Variants in PTPRM observed in about 807,000 individuals in gnomAD.
The protein encoded by PTPRM is protein tyrosine phosphatase receptor type M.
Under a neutral mutation model 186.7 loss-of-function variants are expected in PTPRM, and 47 were observed. The ratio of observed to expected loss-of-function variants is 0.25; its 90% CI spans 0.20 to 0.32. The LOEUF is 0.32. PTPRM is among the 10% of genes least tolerant of loss of function. The pLI is 1.00. For missense variants in PTPRM, 1,494 were observed against 1,865.0 expected (o/e 0.80, Z 3.66); for synonymous variants, 668 against 674.9 (o/e 0.99, Z 0.16).
Position 7,759,964 on chromosome 18 carries a change from G to A in PTPRM, c.74-14185G>A, listed in dbSNP as rs572801692. On this transcript the variant is annotated intron_variant, in intron 1 of 32. Transcript: ENST00000580170. ...TGTCATTTTGGATTGACTGGGATAG[G>A]AACAGTCACCTAAAATGGGTCCCAG... is the stretch of plus-strand genomic sequence containing the variant. Among the ~76,000 whole-genome samples the A allele has an allele frequency of 5.3e-5, 8 of 152,196 alleles. No homozygotes were observed. In the East Asian group the frequency reaches 1.5e-3, roughly 29 times the overall value.
chr18:8,174,283 C>T (rs900877430), intron 14 of PTPRM, among the ~76,000 whole-genome samples: 2 of 152,098 alleles, frequency 1.3e-5, no homozygotes, highest in African/African-American at 4.8e-5. Context: ...ATCATTTAAA[C>T]TATAAAAGAA....
At chr18:7,809,148 T>C (rs1445935715) in intron 2 of PTPRM, among the ~76,000 whole-genome samples, 1 of 152,164 alleles carries the variant, frequency 6.6e-6, no homozygotes, top group African/African-American at 2.4e-5. Context: ...ATGAGGCTTC[T>C]AGCCTGGCTT....
intron 2 of PTPRM, among the ~76,000 whole-genome samples, chr18:7,858,809 G>A (rs1204100293): frequency 6.6e-6 from 1 of 152,144 alleles, no homozygotes; most frequent in Non-Finnish European, 1.5e-5. Flanking sequence ...TATTTACGGA[G>A]CACCTATTAA....
intron 1 of PTPRM, among the ~76,000 whole-genome samples, chr18:7,767,829 G>T (rs763155596): frequency 1.3e-5 from 2 of 152,126 alleles, no homozygotes; most frequent in Non-Finnish European, 2.9e-5. Flanking sequence ...GAACAAGTTC[G>T]TTGATTTTGT....
intron 7 of PTPRM, among the ~76,000 whole-genome samples, chr18:8,032,194 G>C (rs2086023154): frequency 6.6e-6 from 1 of 152,136 alleles, no homozygotes. Flanking sequence ...CACATTGCTT[G>C]GATTCTAATT....
intron 14 of PTPRM, among the ~76,000 whole-genome samples, chr18:8,219,458 G>A (rs1425700690): frequency 2.4e-5 from 3 of 123,816 alleles, no homozygotes; most frequent in Non-Finnish European, 5.2e-5. Context: ...CAGAGCAAGA[G>A]TCCATCTCAA....
intron 7 of PTPRM, among the ~76,000 whole-genome samples, chr18:8,012,475 G>C (rs1272790823): frequency 1.3e-5 from 2 of 152,120 alleles, no homozygotes; most frequent in Non-Finnish European, 2.9e-5. Context: ...GTGTTGCTAG[G>C]CGATTTCATC....
chr18:7,923,396 C>T (rs2050983197), intron 4 of PTPRM, among the ~76,000 whole-genome samples: 1 of 152,114 alleles, frequency 6.6e-6, no homozygotes, highest in Admixed American at 6.5e-5. Flanking sequence ...GGGGGTTGGT[C>T]AACATGTGGA....
chr18:8,071,191 G>A (rs575095515), intron 8 of PTPRM, among the ~76,000 whole-genome samples: 10 of 152,260 alleles, frequency 6.6e-5, no homozygotes, highest in African/African-American at 2.4e-4. Flanking sequence ...CTCTATTTCT[G>A]TTTCTTCCAA....
chr18:7,989,260 C>T (rs2083133806), intron 7 of PTPRM, among the ~76,000 whole-genome samples: 1 of 151,866 alleles, frequency 6.6e-6, no homozygotes, highest in Non-Finnish European at 1.5e-5. Flanking sequence ...CTTCTAGTAA[C>T]TGGCATTACT....
chr18:7,611,791 G>A (rs1772823284), intron 1 of PTPRM, among the ~76,000 whole-genome samples: 2 of 152,128 alleles, frequency 1.3e-5, no homozygotes, highest in African/African-American at 2.4e-5. Context: ...TGCCATCCAC[G>A]TAAGATGAGA....
chr18:8,304,379 C>G (rs1326654686), intron 20 of PTPRM, among the ~76,000 whole-genome samples: 2 of 152,144 alleles, frequency 1.3e-5, no homozygotes, highest in Admixed American at 1.3e-4. Flanking sequence ...GGGGGAAAAC[C>G]TCAGCGGATT....
At chr18:7,641,281 G>A (rs1028969335) in intron 1 of PTPRM, among the ~76,000 whole-genome samples, 22 of 152,090 alleles carry the variant, frequency 1.4e-4, no homozygotes, top group Non-Finnish European at 2.9e-4. Context: ...GTGTATGTAC[G>A]TGTGTCTGTT....
intron 1 of PTPRM, among the ~76,000 whole-genome samples, chr18:7,585,481 T>A (rs1380789469): frequency 6.6e-6 from 1 of 152,162 alleles, no homozygotes; most frequent in African/African-American, 2.4e-5. Context: ...GTGCTGTATT[T>A]AAGGGATGGA....
chr18:8,118,254 A>G (rs1257882547), intron 13 of PTPRM, among the ~76,000 whole-genome samples: 1 of 152,230 alleles, frequency 6.6e-6, no homozygotes, highest in South Asian at 2.1e-4. Flanking sequence ...CCTTGGCAGT[A>G]TAGCCATTTG....
intron 9 of PTPRM, among the ~76,000 whole-genome samples, chr18:8,077,479 A>G (rs2089887997): frequency 6.6e-6 from 1 of 152,154 alleles, no homozygotes; most frequent in African/African-American, 2.4e-5. Flanking sequence ...ATTCAAAGCT[A>G]AGCGAAGAAA....
intron 2 of PTPRM, among the ~76,000 whole-genome samples, chr18:7,836,620 C>T (rs2046064155): frequency 1.3e-5 from 2 of 152,164 alleles, no homozygotes; most frequent in Admixed American, 1.3e-4. Flanking sequence ...TGCTCATTAA[C>T]ATCCTTTTCT....
intron 2 of PTPRM, among the ~76,000 whole-genome samples, chr18:7,809,003 AAGTC>A (rs1178391475): frequency 1.3e-5 from 2 of 152,204 alleles, no homozygotes; most frequent in Non-Finnish European, 2.9e-5. Flanking sequence ...TACCTGCTCT[AAGTC>A]AGACGCCCTG....
intron 5 of PTPRM, among the ~76,000 whole-genome samples, chr18:7,928,553 C>G (rs531456783): frequency 1.1e-4 from 17 of 152,248 alleles, no homozygotes; most frequent in Non-Finnish European, 2.1e-4. Context: ...GAGTATTAAG[C>G]ACCTTTTAAA....
Sources: allele counts gnomAD v4.1 joint callset (sites outside exome capture counted in the v4.1 genomes callset), GRCh38; gene constraint gnomAD v4.1.1; transcripts MANE v1.5; gene names NCBI Gene and HGNC (gene_info 2026-07-23, HGNC 2026-07-21).